ZNF516: variants seen among roughly 807,000 people sequenced by gnomAD.
The protein encoded by ZNF516 is zinc finger protein 516.
ZNF516 carries 19 observed loss-of-function variants against 79.7 expected under a neutral mutation model. The ratio of observed to expected loss-of-function variants is 0.24; its 90% CI spans 0.17 to 0.35. The LOEUF (loss-of-function observed/expected upper bound fraction) is 0.35, where lower values mean the gene tolerates loss of function less well. Ranked by LOEUF, ZNF516 falls within the 10% of genes least tolerant of loss-of-function variation. The probability of loss-of-function intolerance (pLI) is 1.00; values close to 1 mark genes in which losing one functional copy is unlikely to be tolerated. For synonymous variants in ZNF516, 877 were observed against 739.5 expected, an observed-to-expected ratio of 1.19 and a Z score of -3.02; for missense variants, 1,678 against 1,679.5, an observed-to-expected ratio of 1.00 and a Z score of 0.02.
intron 2 of ZNF516, among the ~76,000 whole-genome samples, chr18:76,460,142 C>T (rs898515338): frequency 1.3e-5 from 2 of 152,214 alleles, no homozygotes; most frequent in African/African-American, 4.8e-5. Flanking sequence ...TTGAAACATG[C>T]GGAACTCCGA....
chr18:76,379,088 T>C lies in ZNF516; in HGVS notation c.3026A>G (p.Glu1009Gly). The part of the protein sequence containing the change: ...PREPPSKAAQ[E>G]LRTLATCAAG... ...AGCACAGGTGGCCAGAGTCCTCAGCTCCTGGGCTGCCTTCGAGGGGGGCTC... is the reference window on the plus strand; with the variant it reads ...AGCACAGGTGGCCAGAGTCCTCAGCCCCTGGGCTGCCTTCGAGGGGGGCTC... Residue 1009 changes from glutamate (E) to glycine (G), a missense_variant, in exon 4 of 7, where the codon GAG becomes GGG. By Grantham distance (98) the Glu-to-Gly change is moderately conservative (BLOSUM62 -2). This residue lies in a region of ZNF516 where 1,294 missense variants were observed against 1,248.3 expected (regional missense o/e 1.04). Coordinates refer to ENST00000443185, the MANE Select transcript of ZNF516 (RefSeq NM_014643.4). 1 of 1,611,158 alleles carries C rather than the reference T, an allele frequency of 6.2e-7. No homozygotes were observed. The highest frequency in any genetic ancestry group is 8.5e-7 in the Non-Finnish European group (1 of 1,179,588).
At chr18:76,367,376 G>A (rs972240394) in intron 6 of ZNF516, among the ~76,000 whole-genome samples, 4 of 152,190 alleles carry the variant, frequency 2.6e-5, no homozygotes, top group Non-Finnish European at 5.9e-5. Flanking sequence ...CGTGTGACCT[G>A]CTCATTCTTC....
rs1183819882 is a variant in ZNF516 at position 76,362,347 on chromosome 18, C to T, written c.*151G>A. The T allele has an allele frequency of 1.1e-5, 7 of 615,374 alleles. No individual in the cohort carries two copies. The highest frequency in any genetic ancestry group is 1.1e-4 in the East Asian group (4 of 35,768). The allele number at this position is 615,374 out of a possible 1,614,324, so 38.1% of individuals were successfully genotyped here. ...CATCTGCCTTCAGTTTCCACTCCAG[C>T]GCAGCGGCTCGGGATGTGAGGTGTC... On this transcript the variant is annotated 3_prime_UTR_variant, in exon 7 of 7. Coordinates refer to ENST00000443185, the MANE Select transcript of ZNF516 (RefSeq NM_014643.4).
intron 2 of ZNF516, among the ~76,000 whole-genome samples, chr18:76,448,115 G>C (rs942857022): frequency 3.3e-5 from 5 of 152,132 alleles, no homozygotes; most frequent in African/African-American, 1.2e-4. Context: ...AGAGTCTGAA[G>C]AAAGGACAAA....
At chr18:76,406,279 A>C (rs2075303626) in intron 3 of ZNF516, among the ~76,000 whole-genome samples, 1 of 152,178 alleles carries the variant, frequency 6.6e-6, no homozygotes, top group South Asian at 2.1e-4. Flanking sequence ...TAACAACAAA[A>C]ACAAGGCCGG....
intron 4 of ZNF516, 142 bp downstream of exon 4, chr18:76,378,713 G>C: frequency 2.4e-6 from 3 of 1,264,950 alleles, no homozygotes; most frequent in Non-Finnish European, 2.1e-6. Context: ...CAAGGGAGCA[G>C]CTCTCAGCTC....
intron 1 of ZNF516, among the ~76,000 whole-genome samples, chr18:76,480,494 T>TATAC (rs1555720188): frequency 6.9e-5 from 9 of 131,100 alleles, no homozygotes; most frequent in African/African-American, 2.5e-4. Context: ...CATATACACA[T>TATAC]ACACACACAC....
Position 76,432,321 on chromosome 18 carries a change from T to C in ZNF516, c.1810+8924A>G, listed in dbSNP as rs187790590. 4.4e-4 allele frequency among the ~76,000 whole-genome samples: 67 copies of C among 152,080 alleles called. 1 individual carries two copies. In the East Asian group the frequency reaches 0.011, roughly 25 times the overall value. ...CTCATGCTGTGGAAAGCCTCAGTAC[T>C]GTCATTACCTGCTCTCCCCACAGGT... is the stretch of plus-strand genomic sequence containing the variant. On this transcript the variant is annotated intron_variant, in intron 3 of 6. Transcript: ENST00000443185.
At chr18:76,495,767 C>A, upstream of ZNF516, 1 of 1,152,384 alleles carries the variant, frequency 8.7e-7, no homozygotes, top group Non-Finnish European at 1.1e-6. Context: ...GAAATGGGGA[C>A]ACCCCTTCGG....
chr18:76,364,102 C>T (rs2074580199), intron 6 of ZNF516, among the ~76,000 whole-genome samples: 1 of 152,214 alleles, frequency 6.6e-6, no homozygotes, highest in African/African-American at 2.4e-5. Flanking sequence ...TTTTATATTA[C>T]AGGGCTCAGA....
chr18:76,480,347 A>G (rs1352715139), intron 1 of ZNF516, among the ~76,000 whole-genome samples: 1 of 152,130 alleles, frequency 6.6e-6, no homozygotes, highest in Admixed American at 6.6e-5. Flanking sequence ...CATAGCGTGC[A>G]TGGTACTTCT....
In ZNF516 at chr18:76,463,097, A is replaced by G. The variant is rs1195029534; in HGVS notation, c.-227T>C. On this transcript the variant is annotated 5_prime_UTR_variant, in exon 2 of 7. Coordinates refer to ENST00000443185, the MANE Select transcript of ZNF516 (RefSeq NM_014643.4). Reference sequence around the variant, plus strand: ...GTTGGATGCTGGTACTCTCAGCTAAAAGTGTTCAGAGAAGGACCGAACTCC... The same window carrying G: ...GTTGGATGCTGGTACTCTCAGCTAAGAGTGTTCAGAGAAGGACCGAACTCC... The G allele has an allele frequency of 1.3e-5, 2 of 152,226 alleles. No individual in the cohort carries two copies. The highest frequency in any genetic ancestry group is 2.9e-5 in the Non-Finnish European group (2 of 68,046). The allele number at this position is 152,226 out of a possible 1,614,324, so 9.4% of individuals were successfully genotyped here.
Position 76,379,318 on chromosome 18 carries a change from C to A in ZNF516, c.2796G>T (p.Thr932=). Reference sequence around the variant, plus strand: ...CGCCAGCCCGGGCGATGACGGTGGGCGTAGGGGTGGCGCTCCTGCTGAAGC... The same window carrying A: ...CGCCAGCCCGGGCGATGACGGTGGGAGTAGGGGTGGCGCTCCTGCTGAAGC... ...GGGFSRSATP[T]PTVIARAGAQ... The change falls in exon 4 of 7, where the codon ACG becomes ACT. Residue 932 remains threonine (T), a synonymous_variant. Transcript: ENST00000443185. 6.2e-7 allele frequency: 1 copy of A among 1,601,456 alleles called. No homozygotes were observed. The highest frequency in any genetic ancestry group is 8.5e-7 in the Non-Finnish European group (1 of 1,173,416).
chr18:76,417,505 T>C (rs985220830), intron 3 of ZNF516, among the ~76,000 whole-genome samples: 2 of 152,260 alleles, frequency 1.3e-5, no homozygotes, highest in East Asian at 1.9e-4. Context: ...CATATTTAAA[T>C]AGGTATATAA....
At chr18:76,436,100 G>A (rs1028611595) in intron 3 of ZNF516, among the ~76,000 whole-genome samples, 5 of 152,352 alleles carry the variant, frequency 3.3e-5, no homozygotes, top group African/African-American at 7.2e-5. Context: ...GTGGCACGAC[G>A]AAGGAACTGG....
chr18:76,387,881 A>G (rs7236923), intron 3 of ZNF516: 13,944 of 152,344 alleles, frequency 0.092, 1,576 homozygotes, highest in African/African-American at 0.27. Context: ...TCCTGTTTTC[A>G]AACTCAAGTG....
intron 3 of ZNF516, among the ~76,000 whole-genome samples, chr18:76,424,569 G>T (rs1468591940): frequency 8.6e-5 from 10 of 116,704 alleles, no homozygotes; most frequent in Admixed American, 3.0e-4. Flanking sequence ...AGGTGAAAAG[G>T]TTCCCCCGAA....
Position 76,379,116 on chromosome 18 carries a change from G to A in ZNF516, c.2998C>T (p.Arg1000Cys), listed in dbSNP as rs746209200. The A allele has an allele frequency of 2.9e-5, 46 of 1,612,196 alleles. No individual in the cohort carries two copies. Among genetic ancestry groups the A allele is most frequent in the South Asian group, 2.3e-4 (21 of 91,084 alleles). Residue 1000 changes from arginine to cysteine, a missense_variant, in exon 4 of 7, where the codon CGC becomes TGC. This residue lies in a region of ZNF516 where 1,294 missense variants were observed against 1,248.3 expected (regional missense o/e 1.04). Coordinates refer to ENST00000443185, the MANE Select transcript of ZNF516 (RefSeq NM_014643.4). Reference protein sequence around the residue: ...GEGGAPPLPPREPPSKAAQEL... With the variant: ...GEGGAPPLPPCEPPSKAAQEL... ...TGGGCTGCCTTCGAGGGGGGCTCGC[G>A]GGGAGGTAGAGGAGGAGCGCCCCCT...
chr18:76,421,811 AT>A (rs1370367786), intron 3 of ZNF516, among the ~76,000 whole-genome samples: 2 of 152,228 alleles, frequency 1.3e-5, no homozygotes, highest in African/African-American at 4.8e-5. Context: ...CAACATAAGT[AT>A]TTTCAAAGCA....
Sources: gnomAD v4.1 joint callset for allele counts (sites outside exome capture counted in the v4.1 genomes callset) on GRCh38, gnomAD v4.1.1 for gene constraint, gnomAD v4.1.1 regional missense constraint, MANE v1.5 for transcripts, NCBI Gene and HGNC (gene_info 2026-07-23, HGNC 2026-07-21) for gene names.